TFRC: variants seen among roughly 807,000 people sequenced by gnomAD.
The protein encoded by TFRC is transferrin receptor, also known as transferrin receptor protein 1.
Under a neutral mutation model 85.8 loss-of-function variants are expected in TFRC, and 35 were observed. The ratio of observed to expected loss-of-function variants is 0.41; its 90% CI spans 0.31 to 0.54. The LOEUF is 0.54. TFRC is among the 20% of genes least tolerant of loss of function. The pLI, the probability that TFRC is intolerant of heterozygous loss-of-function variation, is 0.31. For synonymous variants in TFRC, 362 were observed against 328.6 expected, an observed-to-expected ratio of 1.10 and a Z score of -1.10; for missense variants, 828 against 921.5, an observed-to-expected ratio of 0.90 and a Z score of 1.31.
intron 9 of TFRC, among the ~76,000 whole-genome samples, chr3:196,067,112 G>A (rs186283409): frequency 2.0e-5 from 3 of 152,342 alleles, no homozygotes; most frequent in South Asian, 2.1e-4. Context: ...GAATCATACC[G>A]TATTGCTTAG....
chr3:196,075,886 G>GC (rs200009621), intron 2 of TFRC, among the ~76,000 whole-genome samples: 11 of 151,782 alleles, frequency 7.2e-5, no homozygotes, highest in Admixed American at 1.3e-4. Context: ...AGCACTCTGG[G>GC]GGGGGCCGAG....
In TFRC at chr3:196,049,861, T is replaced by C. The variant is rs114451457; in HGVS notation, c.*2081A>G. On this transcript the variant is annotated 3_prime_UTR_variant, in exon 19 of 19. Coordinates refer to ENST00000360110, the MANE Select transcript of TFRC (RefSeq NM_001128148.3). The stretch of plus-strand genomic sequence containing the variant: ...GAGTAGTGACACATTCAAGTGAGGC[T>C]GTAAATCTAGGTAAGTGACACTAAG... 8 of 231,184 alleles carry C rather than the reference T, an allele frequency of 3.5e-5. No homozygotes were observed. The highest frequency in any genetic ancestry group is 6.8e-5 in the Non-Finnish European group (8 of 116,856). The allele number at this position is 231,184 out of a possible 1,614,324, so 14.3% of individuals were successfully genotyped here.
chr3:196,064,149 G>A (rs1413622989), intron 11 of TFRC, among the ~76,000 whole-genome samples, 160 bp downstream of exon 11: 2 of 152,164 alleles, frequency 1.3e-5, no homozygotes, highest in African/African-American at 4.8e-5. Context: ...TGTTTCAAAG[G>A]AAAAGGCAGC....
intron 11 of TFRC, among the ~76,000 whole-genome samples, chr3:196,063,601 G>A (rs534937375): frequency 2.9e-4 from 44 of 152,276 alleles, no homozygotes; most frequent in African/African-American, 1.0e-3. Context: ...GGGTAGGAGT[G>A]TGAAAGAGTG....
chr3:196,077,242 A>T, intron 1 of TFRC, 120 bp from the exon 2 acceptor site: 1 of 667,976 alleles, frequency 1.5e-6, no homozygotes, highest in East Asian at 2.7e-5. Flanking sequence ...TTTCTAGAAA[A>T]GGTATTTAAC....
intron 1 of TFRC, among the ~76,000 whole-genome samples, chr3:196,077,804 G>C (rs966119967): frequency 2.6e-5 from 4 of 152,044 alleles, no homozygotes; most frequent in African/African-American, 9.7e-5. Flanking sequence ...GACTAAGGCA[G>C]ACAAGACCAG....
chr3:196,064,251 A>C, intron 11 of TFRC, 58 bp downstream of exon 11: 1 of 1,515,874 alleles, frequency 6.6e-7, no homozygotes, highest in Non-Finnish European at 8.8e-7. Flanking sequence ...GCACAGTATA[A>C]CATCTAGAAC....
chr3:196,058,889 G>A (rs145552536), intron 14 of TFRC: 6 of 237,808 alleles, frequency 2.5e-5, no homozygotes, highest in South Asian at 1.4e-4. Flanking sequence ...GGCCTAGGCC[G>A]GGTGGGGTAG....
intron 16 of TFRC, 25 bp downstream of exon 16, chr3:196,058,259 T>C (rs1560070373): frequency 6.3e-7 from 1 of 1,595,134 alleles, no homozygotes. Flanking sequence ...CTCTCTCCAT[T>C]TGTCATTTAA....
intron 13 of TFRC, among the ~76,000 whole-genome samples, chr3:196,060,963 C>A (rs1717231903): frequency 6.6e-6 from 1 of 152,076 alleles, no homozygotes; most frequent in Admixed American, 6.6e-5. Context: ...CAGGTTAGAG[C>A]TATACATAGT....
intron 2 of TFRC, 44 bp from the exon 3 acceptor site, chr3:196,075,404 GT>G: frequency 6.3e-7 from 1 of 1,599,484 alleles, no homozygotes; most frequent in Non-Finnish European, 8.6e-7. Flanking sequence ...GCACGGGAAT[GT>G]TTAGGAAAAG....
intron 11 of TFRC, among the ~76,000 whole-genome samples, chr3:196,063,667 A>G (rs1227626592): frequency 6.6e-6 from 1 of 152,224 alleles, no homozygotes; most frequent in Admixed American, 6.5e-5. Flanking sequence ...ACGGTGGCTC[A>G]CTAGCAGCAT....
At position 196,067,805 on chromosome 3, in the gene TFRC, T is replaced by C. The variant is rs1717860850; in HGVS notation, c.901-148A>G. On this transcript the variant is annotated intron_variant, in intron 8 of 18. Transcript: ENST00000360110. ...GAGTGGCTCTACAATGTGACTCCTG[T>C]TTTCATGGCATATGGAAATTCTCAA... 6.4e-6 allele frequency: 6 copies of C among 930,976 alleles called. No individual in the cohort carries two copies. In the South Asian group the frequency reaches 9.0e-5, roughly 14 times the overall value. The allele number at this position is 930,976 out of a possible 1,614,324, so 57.7% of individuals were successfully genotyped here. A position where few individuals can be genotyped will look rare whatever the true frequency, so the allele number is the denominator to read the frequency against.
At chr3:196,064,184 T>C (rs368041666) in intron 11 of TFRC, 125 bp downstream of exon 11, 1 of 1,053,976 alleles carries the variant, frequency 9.5e-7, no homozygotes, top group East Asian at 2.9e-5. Context: ...ATCTGCCTTG[T>C]ATTTAAGAAC....
chr3:196,057,115 T>C (rs1312925235), intron 16 of TFRC, among the ~76,000 whole-genome samples: 2 of 152,218 alleles, frequency 1.3e-5, no homozygotes, highest in Non-Finnish European at 2.9e-5. Context: ...CCACCCCTCA[T>C]ATTGTCTTAT....
At chr3:196,058,159 T>C (rs2108638719) in intron 16 of TFRC, 125 bp downstream of exon 16, 1 of 660,622 alleles carries the variant, frequency 1.5e-6, no homozygotes, top group Non-Finnish European at 2.5e-6. Flanking sequence ...TTTCCTTTAC[T>C]CCTCTGAATA....
intron 17 of TFRC, among the ~76,000 whole-genome samples, chr3:196,054,342 T>C (rs41298055): frequency 2.3e-4 from 35 of 152,000 alleles, no homozygotes; most frequent in African/African-American, 8.2e-4. Context: ...GAGGTGGAGG[T>C]TGCAGTGAGC....
chr3:196,052,222 GT>G, intron 18 of TFRC, 38 bp from the exon 19 acceptor site: 1 of 1,584,106 alleles, frequency 6.3e-7, no homozygotes, highest in Non-Finnish European at 8.6e-7. Context: ...ACACAGCCCT[GT>G]GACTTTTGTA....
At chr3:196,068,483 C>T (rs1158440120) in intron 7 of TFRC, among the ~76,000 whole-genome samples, 3 of 151,432 alleles carry the variant, frequency 2.0e-5, no homozygotes, top group East Asian at 2.0e-4. Flanking sequence ...CAGTGGCTGG[C>T]GCCTGTATTC....
Sources: allele counts gnomAD v4.1 joint callset (sites outside exome capture counted in the v4.1 genomes callset), GRCh38; gene constraint gnomAD v4.1.1; transcripts MANE v1.5; gene names NCBI Gene and HGNC (gene_info 2026-07-23, HGNC 2026-07-21).